Variants in MEGF10 observed in about 807,000 individuals in gnomAD.
MEGF10 encodes multiple EGF like domains 10.
Under a neutral mutation model 147.5 loss-of-function variants are expected in MEGF10, and 86 were observed. That is an observed-to-expected ratio of 0.58 (90% CI 0.49 to 0.70). MEGF10 has a LOEUF of 0.70. MEGF10 is among the 30% of genes least tolerant of loss of function. MEGF10 has a pLI of 0.00. For synonymous variants in MEGF10, 478 were observed against 525.5 expected, an observed-to-expected ratio of 0.91 and a Z score of 1.24; for missense variants, 1,329 against 1,487.3, an observed-to-expected ratio of 0.89 and a Z score of 1.75.
intron 5 of MEGF10, among the ~76,000 whole-genome samples, chr5:127,389,292 G>C (rs1159819832): frequency 6.6e-6 from 1 of 152,212 alleles, no homozygotes; most frequent in African/African-American, 2.4e-5. Flanking sequence ...TGCTGGCGAG[G>C]TTGTTGGGAA....
At chr5:127,371,199 G>C (rs1762837961) in intron 5 of MEGF10, among the ~76,000 whole-genome samples, 1 of 99,536 alleles carries the variant, frequency 1.0e-5, no homozygotes, top group Non-Finnish European at 2.2e-5. Context: ...GACTGTGTGT[G>C]TGTGTGTGTG....
intron 13 of MEGF10, among the ~76,000 whole-genome samples, chr5:127,423,282 A>G (rs1765091264): frequency 6.6e-6 from 1 of 152,246 alleles, no homozygotes; most frequent in African/African-American, 2.4e-5. Flanking sequence ...CAAATTCATA[A>G]TATGACTGAG....
At chr5:127,384,293 GAAGATGCTT>G (rs1763355303) in intron 5 of MEGF10, among the ~76,000 whole-genome samples, 1 of 152,214 alleles carries the variant, frequency 6.6e-6, no homozygotes, top group African/African-American at 2.4e-5. Flanking sequence ...CGTAGCCAGA[GAAGATGCTT>G]AACAAATCTT....
At position 127,318,494 on chromosome 5, in the gene MEGF10, G is replaced by A. The variant is rs569473256; in HGVS notation, c.-18-12797G>A. On this transcript the variant is annotated intron_variant, in intron 1 of 24. Transcript: ENST00000503335. ...GGAACATACCAAGTAGCCATGGTTGGCATCACTGGCTAAAAATGCATCTAC... is the reference window on the plus strand; with the variant it reads ...GGAACATACCAAGTAGCCATGGTTGACATCACTGGCTAAAAATGCATCTAC... Among the ~76,000 whole-genome samples the A allele has an allele frequency of 1.5e-4, 23 of 152,234 alleles. No homozygotes were observed. The South Asian group carries it at 4.6e-3, about 30-fold the overall frequency.
rs535697799 is a variant in MEGF10 at position 127,459,159 on chromosome 5, A to G, written c.*1841A>G. On this transcript the variant is annotated 3_prime_UTR_variant, in exon 25 of 25. Coordinates refer to ENST00000503335, the MANE Select transcript of MEGF10 (RefSeq NM_001256545.2). ...TGCAACCCTTCTGCTAGTAGTGCACATAAGTGATTATCCCTGCCAGGTATC... is the reference window on the plus strand; with the variant it reads ...TGCAACCCTTCTGCTAGTAGTGCACGTAAGTGATTATCCCTGCCAGGTATC... The G allele has an allele frequency of 6.6e-6, 1 of 152,368 alleles. No individual in the cohort carries two copies. Among genetic ancestry groups the G allele is most frequent in the South Asian group, 2.1e-4 (1 of 4,832 alleles). The allele number at this position is 152,368 out of a possible 1,614,324, so 9.4% of individuals were successfully genotyped here.
chr5:127,446,910 A>C (rs1765958187), intron 20 of MEGF10, among the ~76,000 whole-genome samples: 1 of 152,204 alleles, frequency 6.6e-6, no homozygotes. Context: ...TTTTCAGGGA[A>C]CTCAGAGTAC....
Position 127,435,417 on chromosome 5 carries a change from A to AACGGAACC in MEGF10, c.2033_2040dup (p.Cys681ThrfsTer71). ...TGCAGGAATTTGTACCTGCACCAAC[A>AACGGAACC]ACGGAACCTGTAACCCCATTGACAG... On this transcript the variant is annotated frameshift_variant, in exon 16 of 25. Transcript: ENST00000503335. LOFTEE classifies it high-confidence loss of function. 1 of 1,614,094 alleles carries AACGGAACC rather than the reference A, an allele frequency of 6.2e-7. No homozygotes were observed.
At chr5:127,393,132 T>C (rs998203141) in intron 5 of MEGF10, among the ~76,000 whole-genome samples, 1 of 152,226 alleles carries the variant, frequency 6.6e-6, no homozygotes. Context: ...TCTAAGTTGT[T>C]AGTGGGAATA....
intron 1 of MEGF10, among the ~76,000 whole-genome samples, chr5:127,310,495 G>T (rs1760241799): frequency 6.6e-6 from 1 of 152,010 alleles, no homozygotes; most frequent in Non-Finnish European, 1.5e-5. Flanking sequence ...ATTGCTTTTA[G>T]ATTTTTTTTA....
chr5:127,283,818 T>C, the MEGF10 span, among the ~76,000 whole-genome samples: 8 of 152,334 alleles, frequency 5.3e-5, no homozygotes, highest in South Asian at 1.7e-3. Flanking sequence ...AAACTTGTTC[T>C]AATTATATAC....
At chr5:127,439,631 A>T (rs1362552242) in intron 17 of MEGF10, among the ~76,000 whole-genome samples, 1 of 152,242 alleles carries the variant, frequency 6.6e-6, no homozygotes, top group Non-Finnish European at 1.5e-5. Context: ...TATAATTCTA[A>T]AATTAGAACG....
intron 19 of MEGF10, chr5:127,444,544 T>C (rs948640989): frequency 6.6e-6 from 1 of 152,244 alleles, no homozygotes; most frequent in Non-Finnish European, 1.5e-5. Context: ...TTATAGATGA[T>C]AAAACTGCAG....
At chr5:127,448,164 T>C (rs1172380164) in intron 21 of MEGF10, among the ~76,000 whole-genome samples, 2 of 152,208 alleles carry the variant, frequency 1.3e-5, no homozygotes, top group Non-Finnish European at 2.9e-5. Flanking sequence ...ACAACAACAG[T>C]AATAGGCACT....
chr5:127,447,704 G>A lies in MEGF10; in HGVS notation c.2856+20G>A, dbSNP rs757776991. The stretch of plus-strand genomic sequence containing the variant: ...ACGAAGGTGAGAGGAATTGGTTCAA[G>A]TCTTTGGAAGTGGGCTGGGGAGAGA... On this transcript the variant is annotated intron_variant, in intron 21 of 24. Coordinates refer to ENST00000503335, the MANE Select transcript of MEGF10 (RefSeq NM_001256545.2). 1 of 1,613,880 alleles carries A rather than the reference G, an allele frequency of 6.2e-7. No individual in the cohort carries two copies. The highest frequency in any genetic ancestry group is 1.7e-5 in the Admixed American group (1 of 60,016).
chr5:127,292,273 A>G (rs1759294248), intron 1 of MEGF10, among the ~76,000 whole-genome samples: 1 of 152,214 alleles, frequency 6.6e-6, no homozygotes, highest in Non-Finnish European at 1.5e-5. Context: ...ATTTTGGGGT[A>G]AGTTACTTAA....
At chr5:127,345,345 C>G (rs572213171) in intron 4 of MEGF10, among the ~76,000 whole-genome samples, 10 of 152,266 alleles carry the variant, frequency 6.6e-5, no homozygotes, top group South Asian at 4.1e-4. Flanking sequence ...TGCATTTCTA[C>G]TGAACCCTCA....
At chr5:127,438,302 G>A (rs907127548) in intron 16 of MEGF10, 137 bp from the exon 17 acceptor site, 3 of 904,478 alleles carry the variant, frequency 3.3e-6, no homozygotes, top group Admixed American at 2.4e-5. Context: ...GCAGAATTCA[G>A]AGCAGTGTGC....
At chr5:127,407,685 A>G (rs372998653) in intron 8 of MEGF10, among the ~76,000 whole-genome samples, 3 of 152,290 alleles carry the variant, frequency 2.0e-5, no homozygotes, top group African/African-American at 7.2e-5. Context: ...TCCATTTGGA[A>G]CCGCAGAAGC....
intron 1 of MEGF10, among the ~76,000 whole-genome samples, chr5:127,307,033 T>C (rs923173958): frequency 6.6e-6 from 1 of 152,124 alleles, no homozygotes; most frequent in Non-Finnish European, 1.5e-5. Flanking sequence ...TCCATGAAAA[T>C]GTTTGTTTTA....
Sources: allele counts gnomAD v4.1 joint callset (sites outside exome capture counted in the v4.1 genomes callset), GRCh38; gene constraint gnomAD v4.1.1; transcripts MANE v1.5; gene names NCBI Gene and HGNC (gene_info 2026-07-23, HGNC 2026-07-21).